Variants in MIA2 observed in about 807,000 individuals in gnomAD.
The protein encoded by MIA2 is MIA SH3 domain ER export factor 2.
In MIA2, 127 loss-of-function variants were observed where a neutral mutation model predicts 167.8. That is an observed-to-expected ratio of 0.76 (90% CI 0.66 to 0.88). The LOEUF is 0.88. Among genes scored for constraint, MIA2 ranks in the 40% least tolerant of loss-of-function variants. MIA2 has a pLI of 0.00. For synonymous variants in MIA2, 552 were observed against 541.9 expected (o/e 1.02, Z -0.26); for missense variants, 1,690 against 1,624.7 (o/e 1.04, Z -0.69).
intron 23 of MIA2, among the ~76,000 whole-genome samples, chr14:39,373,893 G>C (rs892585314): frequency 2.6e-5 from 4 of 152,154 alleles, no homozygotes; most frequent in African/African-American, 9.7e-5. Flanking sequence ...CAGGTGCAGT[G>C]GTTCATGCTT....
chr14:39,285,498 G>A (rs371862362), intron 9 of MIA2, among the ~76,000 whole-genome samples: 43,246 of 98,994 alleles, frequency 0.44, 13,561 homozygotes, highest in South Asian at 0.61. Context: ...CCTCCCGGAC[G>A]GGGCGGCTGG....
intron 23 of MIA2, among the ~76,000 whole-genome samples, chr14:39,382,953 G>GTTTTTTTTTTTT (rs10689511): frequency 1.3e-5 from 1 of 75,052 alleles, no homozygotes; most frequent in South Asian, 4.7e-4. Context: ...TATGGCCACA[G>GTTTTTTTTTTTT]TTTTTTTTTT....
At chr14:39,307,193 T>G (rs2063475786) in intron 17 of MIA2, among the ~76,000 whole-genome samples, 1 of 151,944 alleles carries the variant, frequency 6.6e-6, no homozygotes, top group Admixed American at 6.6e-5. Context: ...TTTTACTAGA[T>G]AAAAACAGGC....
intron 17 of MIA2, among the ~76,000 whole-genome samples, chr14:39,306,123 A>G (rs2063307544): frequency 6.6e-6 from 1 of 151,752 alleles, no homozygotes; most frequent in African/African-American, 2.4e-5. Context: ...TCTGATGTAG[A>G]TTAAAAAATT....
intron 27 of MIA2, 84 bp downstream of exon 27, chr14:39,347,855 A>G (rs951404065): frequency 5.7e-6 from 7 of 1,225,070 alleles, no homozygotes; most frequent in South Asian, 1.5e-5. Flanking sequence ...GAGTTTCACT[A>G]TTGTTGCCCA....
At chr14:39,305,571 C>A (rs964102269) in intron 17 of MIA2, among the ~76,000 whole-genome samples, 1 of 152,172 alleles carries the variant, frequency 6.6e-6, no homozygotes, top group Non-Finnish European at 1.5e-5. Context: ...AGATTTTCCT[C>A]TAAACTGTTT....
intron 9 of MIA2, among the ~76,000 whole-genome samples, chr14:39,279,742 CCTTTT>C (rs2058657509): frequency 6.6e-6 from 1 of 152,136 alleles, no homozygotes; most frequent in Admixed American, 6.5e-5. Context: ...CTTGTGCTTT[CCTTTT>C]GAGTTTTCCT....
At chr14:39,270,909 G>T (rs2057026191) in intron 6 of MIA2, among the ~76,000 whole-genome samples, 1 of 152,126 alleles carries the variant, frequency 6.6e-6, no homozygotes, top group Non-Finnish European at 1.5e-5. Context: ...CTCATTCTGT[G>T]CATTTTCTTT....
chr14:39,267,097 G>T (rs976425772), intron 6 of MIA2: 3 of 1,108,922 alleles, frequency 2.7e-6, no homozygotes, highest in Non-Finnish European at 3.3e-6. Context: ...AAGCTTGCGC[G>T]AAGAAGGGGA....
In MIA2 at chr14:39,350,646, AAAGATT is replaced by A. The variant is rs2074288757; in HGVS notation, c.*383_*388del. The A allele has an allele frequency of 6.2e-6, 1 of 161,364 alleles. No homozygotes were observed. The highest frequency in any genetic ancestry group is 1.3e-5 in the Non-Finnish European group (1 of 74,272). The allele number at this position is 161,364 out of a possible 1,614,324, so 10.0% of individuals were successfully genotyped here. On this transcript the variant is annotated 3_prime_UTR_variant, in exon 29 of 29. Transcript: ENST00000640607. ...TGCTTAAATAAATTATAGTTGATTT[AAAGATT>A]TGTTTGGCATTGATAATAATAAAAT...
intron 20 of MIA2, 123 bp from the exon 21 acceptor site, chr14:39,315,560 G>T: frequency 1.5e-6 from 1 of 680,566 alleles, no homozygotes. Flanking sequence ...TAAAAATGTT[G>T]CCTACTCTTC....
intron 6 of MIA2, 150 bp downstream of exon 6, chr14:39,253,321 T>C (rs1230381351): frequency 1.9e-6 from 2 of 1,025,914 alleles, no homozygotes; most frequent in Non-Finnish European, 1.5e-6. Context: ...GATTTCTCTT[T>C]ATATGAATGT....
At position 39,269,074 on chromosome 14, in the gene MIA2, G is replaced by GTTTTTT. The variant is rs3065036; in HGVS notation, c.1888-7840_1888-7835dup. 8.1e-3 allele frequency: 4,695 copies of GTTTTTT among 581,918 alleles called. 487 individuals carry two copies. Among genetic ancestry groups the GTTTTTT allele is most frequent in the Non-Finnish European group, 8.8e-3 (4,366 of 495,966 alleles). 36.0% of individuals were successfully genotyped at this position (581,918 alleles called of 1,614,324 possible). On this transcript the variant is annotated intron_variant, in intron 6 of 28. Transcript: ENST00000640607. ...GGTGCGTTGTATCTTCACCTGCACA[G>GTTTTTT]TTTTTTTTTTTTTTTTTTTTTTTTT...
rs553599065 is a variant in MIA2, at chr14:39,360,454, G to GT, written c.2248+11488dup. On this transcript the variant is annotated intron_variant, in intron 23 of 23. Coordinates refer to the MIA2 transcript ENST00000341502. ...TCATGTCCTTTGCCCATGTTTTAAT[G>GT]TTTTTTTTTTTGTTTGTTTGTTTTT... Among the ~76,000 whole-genome samples, 705 of 144,564 alleles carry GT rather than the reference G, an allele frequency of 4.9e-3. 5 individuals are homozygous for GT. Among genetic ancestry groups the GT allele is most frequent in the African/African-American group, 0.014 (537 of 39,448 alleles). The allele number at this position is 144,564 out of a possible 152,430, so 94.8% of individuals were successfully genotyped here.
chr14:39,346,822 T>C (rs939358110), intron 26 of MIA2: 2 of 234,364 alleles, frequency 8.5e-6, no homozygotes, highest in Non-Finnish European at 1.7e-5. Context: ...TTGAGGCTGG[T>C]CTTGAACTCC....
At chr14:39,299,697 T>C (rs1243416431) in intron 13 of MIA2, among the ~76,000 whole-genome samples, 167 bp from the exon 14 acceptor site, 4 of 152,192 alleles carry the variant, frequency 2.6e-5, no homozygotes, top group Admixed American at 2.0e-4. Context: ...ATATATGATA[T>C]AAACTAGTTG....
At position 39,350,290 on chromosome 14, in the gene MIA2, A is replaced by T; in HGVS notation, c.*26A>T. The T allele has an allele frequency of 8.9e-7, 1 of 1,119,908 alleles. No individual in the cohort carries two copies. Among genetic ancestry groups the T allele is most frequent in the African/African-American group, 1.6e-5 (1 of 61,708 alleles). 69.4% of individuals were successfully genotyped at this position (1,119,908 alleles called of 1,614,324 possible). A position where few individuals can be genotyped will look rare whatever the true frequency, so the allele number is the denominator to read the frequency against. ...CAATATTTTTGCTCTCTTCAAAAGT[A>T]ATTTTGACTGATCTCATTTTCAGTT... On this transcript the variant is annotated 3_prime_UTR_variant, in exon 29 of 29. Transcript: ENST00000640607.
At chr14:39,338,047 G>T (rs567813040) in intron 25 of MIA2, among the ~76,000 whole-genome samples, 66 of 152,270 alleles carry the variant, frequency 4.3e-4, no homozygotes, top group African/African-American at 1.5e-3. Flanking sequence ...TGAAATGACG[G>T]TATAGAAACA....
At chr14:39,357,646 C>T (rs2074564006) in intron 23 of MIA2, among the ~76,000 whole-genome samples, 1 of 152,166 alleles carries the variant, frequency 6.6e-6, no homozygotes, top group African/African-American at 2.4e-5. Flanking sequence ...TCTTCCTAGC[C>T]TCGATGGTCT....
Sources: gnomAD v4.1 joint callset for allele counts (sites outside exome capture counted in the v4.1 genomes callset) on GRCh38, gnomAD v4.1.1 for gene constraint, MANE v1.5 for transcripts, NCBI Gene and HGNC (gene_info 2026-07-23, HGNC 2026-07-21) for gene names.